EPHA4: variants seen among roughly 807,000 people sequenced by gnomAD.
EPHA4 encodes the protein ephrin type-A receptor 4.
A neutral mutation model predicts 108.3 loss-of-function variants in EPHA4; 19 were observed. The observed-to-expected ratio is 0.18, with a 90% confidence interval of 0.12 to 0.26. EPHA4 has a LOEUF of 0.26. Ranked by LOEUF, EPHA4 falls within the 10% of genes least tolerant of loss-of-function variation. EPHA4 has a pLI of 1.00. For synonymous variants in EPHA4, 449 were observed against 455.5 expected, an observed-to-expected ratio of 0.99 and a Z score of 0.18; for missense variants, 917 against 1,254.0, an observed-to-expected ratio of 0.73 and a Z score of 4.06.
intron 3 of EPHA4, among the ~76,000 whole-genome samples, chr2:221,544,119 C>T (rs1377355911): frequency 6.6e-6 from 1 of 152,090 alleles, no homozygotes; most frequent in African/African-American, 2.4e-5. Flanking sequence ...TAAACGCCAA[C>T]CAAAGGCCCT....
At chr2:221,502,713 A>C (rs141853999) in intron 3 of EPHA4, among the ~76,000 whole-genome samples, 1 of 152,266 alleles carries the variant, frequency 6.6e-6, no homozygotes, top group Non-Finnish European at 1.5e-5. Context: ...GCGGAAAGGG[A>C]ATTTAGCAGG....
chr2:221,553,266 A>G (rs1002060798), intron 3 of EPHA4, among the ~76,000 whole-genome samples: 6 of 152,206 alleles, frequency 3.9e-5, no homozygotes, highest in African/African-American at 1.4e-4. Flanking sequence ...ATTTCTGGGG[A>G]TAGTTAGTTG....
chr2:221,548,324 A>T (rs1349725865), intron 3 of EPHA4, among the ~76,000 whole-genome samples: 1 of 151,800 alleles, frequency 6.6e-6, no homozygotes, highest in African/African-American at 2.4e-5. Flanking sequence ...AGATCGCACC[A>T]CTGCACTCCA....
At chr2:221,560,510 C>T (rs1694431029) in intron 3 of EPHA4, among the ~76,000 whole-genome samples, 1 of 152,156 alleles carries the variant, frequency 6.6e-6, no homozygotes, top group African/African-American at 2.4e-5. Flanking sequence ...GAGAGAGATG[C>T]TTCCTATCTT....
At chr2:221,547,341 G>A (rs1694026188) in intron 3 of EPHA4, among the ~76,000 whole-genome samples, 1 of 152,120 alleles carries the variant, frequency 6.6e-6, no homozygotes, top group African/African-American at 2.4e-5. Context: ...AAGCATTAGA[G>A]AAATCCAAAA....
At chr2:221,473,597 G>T (rs1392115840) in intron 5 of EPHA4, among the ~76,000 whole-genome samples, 1 of 151,760 alleles carries the variant, frequency 6.6e-6, no homozygotes, top group Non-Finnish European at 1.5e-5. Flanking sequence ...ATCAGCAGGG[G>T]GTTAATGGAA....
At chr2:221,447,378 C>T (rs985795251) in intron 8 of EPHA4, among the ~76,000 whole-genome samples, 4 of 152,114 alleles carry the variant, frequency 2.6e-5, no homozygotes, top group African/African-American at 9.7e-5. Context: ...AAATCCTATA[C>T]CCTGAACTCT....
intron 3 of EPHA4, among the ~76,000 whole-genome samples, chr2:221,546,068 C>A (rs1240155037): frequency 6.6e-6 from 1 of 152,164 alleles, no homozygotes; most frequent in Non-Finnish European, 1.5e-5. Flanking sequence ...TAGGTCTGCC[C>A]ATCACCTTAG....
chr2:221,508,390 C>T (rs1011913497), intron 3 of EPHA4, among the ~76,000 whole-genome samples: 4 of 152,048 alleles, frequency 2.6e-5, no homozygotes, highest in Non-Finnish European at 5.9e-5. Context: ...ACCAGCCTCT[C>T]CAACATGGTG....
At chr2:221,570,560 G>A (rs2680845) in intron 1 of EPHA4, among the ~76,000 whole-genome samples, 80,419 of 151,816 alleles carry the variant, frequency 0.53, 21,510 homozygotes, top group Non-Finnish European at 0.57. Context: ...GGCGAGAGAG[G>A]GCCCCTTTCC....
chr2:221,495,394 A>T (rs919650318), intron 4 of EPHA4, among the ~76,000 whole-genome samples: 7 of 152,208 alleles, frequency 4.6e-5, no homozygotes, highest in Admixed American at 3.3e-4. Flanking sequence ...ACGGTTTTAC[A>T]GATCAGTAGC....
At chr2:221,572,656 C>T (rs2106218315), upstream of EPHA4, 1 of 157,592 alleles carries the variant, frequency 6.3e-6, no homozygotes, top group South Asian at 2.0e-4. Flanking sequence ...AACCTTTTCT[C>T]CCACCACGGG....
intron 5 of EPHA4, among the ~76,000 whole-genome samples, chr2:221,470,109 A>G (rs1342642280): frequency 1.3e-5 from 2 of 152,178 alleles, no homozygotes; most frequent in African/African-American, 4.8e-5. Context: ...AAATTATAGC[A>G]TGAAATCATA....
At chr2:221,427,970 A>C (rs1689962494) in intron 15 of EPHA4, among the ~76,000 whole-genome samples, 2 of 152,152 alleles carry the variant, frequency 1.3e-5, no homozygotes, top group African/African-American at 2.4e-5. Flanking sequence ...CCATTATTTC[A>C]ATATAAGTTT....
chr2:221,480,571 T>A (rs1208189164), intron 5 of EPHA4, among the ~76,000 whole-genome samples: 1 of 152,204 alleles, frequency 6.6e-6, no homozygotes, highest in Non-Finnish European at 1.5e-5. Context: ...CACAGAGTAC[T>A]CATGTTTCTA....
rs774855923 is a variant in EPHA4 at position 221,446,180 on chromosome 2, G to T, written c.1717C>A (p.Arg573=). Residue 573 remains arginine (R), a splice_region_variant and synonymous_variant, in exon 9 of 18, where the codon CGG becomes AGG. Coordinates refer to ENST00000281821, the MANE Select transcript of EPHA4 (RefSeq NM_004438.5). ...LIAAFVISRR[R]SKYSKAKQEA... is the part of the protein sequence containing the mutation. ...TGTTTGGCTTTACTGTATTTACTCC[G>T]TCTATTAAAATTTTTTTAAAAAAGA... The T allele has an allele frequency of 1.3e-6, 2 of 1,499,894 alleles. No homozygotes were observed. The highest frequency in any genetic ancestry group is 1.8e-6 in the Non-Finnish European group (2 of 1,124,524). 92.9% of individuals were successfully genotyped at this position (1,499,894 alleles called of 1,614,324 possible).
At chr2:221,450,491 T>C (rs1254307685) in intron 8 of EPHA4, among the ~76,000 whole-genome samples, 2 of 152,226 alleles carry the variant, frequency 1.3e-5, no homozygotes, top group African/African-American at 2.4e-5. Flanking sequence ...GTCAGCTTTT[T>C]TATGTAGGTC....
intron 2 of EPHA4, among the ~76,000 whole-genome samples, chr2:221,567,024 A>G (rs1210759739): frequency 9.5e-6 from 1 of 105,494 alleles, no homozygotes; most frequent in Non-Finnish European, 2.3e-5. Context: ...AAATGTCTGC[A>G]GCATATTAAA....
chr2:221,514,158 G>C (rs2106167900), intron 3 of EPHA4, among the ~76,000 whole-genome samples: 1 of 152,036 alleles, frequency 6.6e-6, no homozygotes, highest in East Asian at 1.9e-4. Context: ...ATTGTCCCAA[G>C]AAATCGGTTT....
Sources: allele counts gnomAD v4.1 joint callset (sites outside exome capture counted in the v4.1 genomes callset), GRCh38; gene constraint gnomAD v4.1.1; transcripts MANE v1.5; gene names NCBI Gene and HGNC (gene_info 2026-07-23, HGNC 2026-07-21).